Variants in DLGAP1 observed in about 807,000 individuals in gnomAD.
DLGAP1 encodes disks large-associated protein 1.
DLGAP1 carries 11 observed loss-of-function variants against 90.8 expected under a neutral mutation model. The observed-to-expected ratio is 0.12, with a 90% confidence interval of 0.08 to 0.20. DLGAP1 has a LOEUF of 0.20. DLGAP1 is among the 10% of genes least tolerant of loss of function. DLGAP1 has a pLI of 1.00. For synonymous variants in DLGAP1, 558 were observed against 540.7 expected (o/e 1.03, Z -0.44); for missense variants, 1,050 against 1,333.8 (o/e 0.79, Z 3.31).
At chr18:3,532,864 A>G (rs1369255260) in intron 10 of DLGAP1, among the ~76,000 whole-genome samples, 3 of 152,232 alleles carry the variant, frequency 2.0e-5, no homozygotes, top group Non-Finnish European at 4.4e-5. Context: ...GAATTGTTGA[A>G]AACATGTAAA....
At chr18:4,070,327 C>T (rs968502422) in intron 2 of DLGAP1, among the ~76,000 whole-genome samples, 1 of 152,048 alleles carries the variant, frequency 6.6e-6, no homozygotes, top group African/African-American at 2.4e-5. Context: ...CAGCTAAATA[C>T]TAGAGTTTTT....
intron 1 of DLGAP1, among the ~76,000 whole-genome samples, chr18:4,409,330 A>G (rs2082728357): frequency 6.6e-6 from 1 of 152,082 alleles, no homozygotes. Context: ...AAGTAGATTA[A>G]AATATTTGGA....
chr18:3,862,168 A>T (rs1343977570), intron 4 of DLGAP1, among the ~76,000 whole-genome samples: 1 of 152,150 alleles, frequency 6.6e-6, no homozygotes, highest in Admixed American at 6.5e-5. Context: ...GGCATAAGCA[A>T]TGTGGGGTAG....
chr18:3,777,219 A>C (rs187491966), intron 5 of DLGAP1, among the ~76,000 whole-genome samples: 8 of 152,340 alleles, frequency 5.3e-5, no homozygotes, highest in African/African-American at 1.9e-4. Context: ...ACACCCATTC[A>C]TAGGTATGGC....
intron 10 of DLGAP1, among the ~76,000 whole-genome samples, 182 bp downstream of exon 10, chr18:3,534,012 G>C (rs2052175580): frequency 6.6e-6 from 1 of 152,104 alleles, no homozygotes. Flanking sequence ...TCTTGGTTTT[G>C]TGCTGTGCAG....
chr18:4,108,107 C>A (rs1283256268), intron 2 of DLGAP1, among the ~76,000 whole-genome samples: 1 of 152,154 alleles, frequency 6.6e-6, no homozygotes, highest in African/African-American at 2.4e-5. Flanking sequence ...CTGAAGTGGG[C>A]CATAGAAGCT....
intron 1 of DLGAP1, among the ~76,000 whole-genome samples, chr18:4,443,270 C>T (rs755149989): frequency 6.6e-6 from 1 of 152,106 alleles, no homozygotes; most frequent in African/African-American, 2.4e-5. Context: ...AGCTACTTAG[C>T]AATTATTAGT....
chr18:3,921,846 T>C (rs2072275256), intron 3 of DLGAP1, among the ~76,000 whole-genome samples: 1 of 152,192 alleles, frequency 6.6e-6, no homozygotes, highest in African/African-American at 2.4e-5. Flanking sequence ...ATATCAGCTT[T>C]AAACTTGATG....
At chr18:4,053,329 G>A (rs1401749207) in intron 2 of DLGAP1, among the ~76,000 whole-genome samples, 1 of 152,172 alleles carries the variant, frequency 6.6e-6, no homozygotes. Context: ...GAAGTGCAGA[G>A]TGAAGGGGGC....
At chr18:4,086,982 T>C (rs371126750) in intron 2 of DLGAP1, among the ~76,000 whole-genome samples, 14 of 150,530 alleles carry the variant, frequency 9.3e-5, no homozygotes, top group South Asian at 4.2e-4. Flanking sequence ...TTAATACTCT[T>C]CTGCATCTTC....
At chr18:4,004,821 T>C (rs1179421935) in intron 3 of DLGAP1, among the ~76,000 whole-genome samples, 2 of 152,124 alleles carry the variant, frequency 1.3e-5, no homozygotes, top group Non-Finnish European at 2.9e-5. Flanking sequence ...ATTGTGTGCA[T>C]TGACATTTTC....
chr18:4,238,602 G>C (rs1035593572), intron 1 of DLGAP1, among the ~76,000 whole-genome samples: 1 of 152,086 alleles, frequency 6.6e-6, no homozygotes, highest in African/African-American at 2.4e-5. Flanking sequence ...AACTTACTCA[G>C]TAACTACTTG....
chr18:3,725,249 T>G (rs1210036151), intron 7 of DLGAP1, among the ~76,000 whole-genome samples: 3 of 152,224 alleles, frequency 2.0e-5, no homozygotes, highest in Non-Finnish European at 4.4e-5. Flanking sequence ...TTCTGCCTAT[T>G]TAGACTATTG....
intron 1 of DLGAP1, among the ~76,000 whole-genome samples, chr18:4,219,034 T>G (rs1017579525): frequency 2.1e-5 from 3 of 145,322 alleles, no homozygotes; most frequent in South Asian, 2.2e-4. Context: ...TTTGTTTTTT[T>G]TTTTTTTTTT....
chr18:4,370,462 AAAG>A (rs1390883543), intron 1 of DLGAP1, among the ~76,000 whole-genome samples: 1 of 152,208 alleles, frequency 6.6e-6, no homozygotes, highest in African/African-American at 2.4e-5. Flanking sequence ...TCACTTGGGC[AAAG>A]CACCATTGTT....
chr18:4,402,182 T>G (rs1243137303), intron 1 of DLGAP1, among the ~76,000 whole-genome samples: 1 of 152,204 alleles, frequency 6.6e-6, no homozygotes, highest in Admixed American at 6.5e-5. Context: ...GGCCAATAAG[T>G]ACCTAATCAG....
intron 6 of DLGAP1, among the ~76,000 whole-genome samples, chr18:3,730,223 A>G (rs2062371278): frequency 6.6e-6 from 1 of 152,208 alleles, no homozygotes; most frequent in African/African-American, 2.4e-5. Context: ...ACTGCATTCC[A>G]GCCTGGGCAA....
chr18:4,116,839 A>C (rs1416782688), intron 2 of DLGAP1, among the ~76,000 whole-genome samples: 1 of 152,198 alleles, frequency 6.6e-6, no homozygotes, highest in Non-Finnish European at 1.5e-5. Flanking sequence ...TGCTAAGTCA[A>C]TTATTTAGGC....
intron 9 of DLGAP1, among the ~76,000 whole-genome samples, chr18:3,562,534 TCTCC>T (rs1038356503): frequency 1.0e-4 from 15 of 146,262 alleles, no homozygotes; most frequent in Non-Finnish European, 1.9e-4. Flanking sequence ...AGCCCTCTTC[TCTCC>T]CTTTTTTTTT....
Sources: gnomAD v4.1 joint callset for allele counts (sites outside exome capture counted in the v4.1 genomes callset) on GRCh38, gnomAD v4.1.1 for gene constraint, MANE v1.5 for transcripts, NCBI Gene and HGNC (gene_info 2026-07-23, HGNC 2026-07-21) for gene names.